Variants in PTPRT observed in about 807,000 individuals in gnomAD.
PTPRT encodes protein tyrosine phosphatase receptor type T.
In PTPRT, 56 loss-of-function variants were observed where a neutral mutation model predicts 176.8. The ratio of observed to expected loss-of-function variants is 0.32; its 90% CI spans 0.26 to 0.40. The LOEUF (loss-of-function observed/expected upper bound fraction) is 0.40, where lower values mean the gene tolerates loss of function less well. Ranked by LOEUF, PTPRT falls within the 10% of genes least tolerant of loss-of-function variation. PTPRT has a pLI of 1.00. For missense variants in PTPRT, 1,540 were observed against 1,908.2 expected, an observed-to-expected ratio of 0.81 and a Z score of 3.60; for synonymous variants, 783 against 739.0, an observed-to-expected ratio of 1.06 and a Z score of -0.96.
In PTPRT at chr20:42,771,173, C is replaced by T. The variant is rs2077056539; in HGVS notation, c.684+262G>A. Among the ~76,000 whole-genome samples, 2 of 152,164 alleles carry T rather than the reference C, an allele frequency of 1.3e-5. 1 individual carries two copies. The highest frequency in any genetic ancestry group is 1.3e-4 in the Admixed American group (2 of 15,264). ...CACATCCCGCCAGACAAGTCCCAGG[C>T]CTAACCATCTGACCCCAGGAAACTC... On this transcript the variant is annotated intron_variant, in intron 5 of 30. Transcript: ENST00000373187.
At chr20:42,348,370 T>TTTTTTTTATTTATTTA (rs1555830099) in intron 11 of PTPRT, among the ~76,000 whole-genome samples, 1 of 146,526 alleles carries the variant, frequency 6.8e-6, no homozygotes, top group Non-Finnish European at 1.5e-5. Flanking sequence ...GTGACATTTC[T>TTTTTTTTATTTATTTA]TTTATTTATT....
chr20:42,827,069 T>C (rs777021428), intron 2 of PTPRT, among the ~76,000 whole-genome samples: 2 of 152,172 alleles, frequency 1.3e-5, no homozygotes, highest in Non-Finnish European at 2.9e-5. Context: ...ACTAAGTTCT[T>C]AGAGACCTAC....
At chr20:42,545,046 G>A (rs559040313) in intron 7 of PTPRT, among the ~76,000 whole-genome samples, 2 of 152,224 alleles carry the variant, frequency 1.3e-5, no homozygotes, top group African/African-American at 4.8e-5. Flanking sequence ...AGGAACATAC[G>A]GCCAGACACC....
intron 1 of PTPRT, among the ~76,000 whole-genome samples, chr20:43,049,989 G>A (rs1283312549): frequency 1.3e-5 from 2 of 152,212 alleles, no homozygotes; most frequent in African/African-American, 4.8e-5. Flanking sequence ...CATTTTACAT[G>A]GATTATTTCA....
At chr20:42,755,830 T>C (rs1169524967) in intron 6 of PTPRT, among the ~76,000 whole-genome samples, 1 of 152,178 alleles carries the variant, frequency 6.6e-6, no homozygotes, top group Non-Finnish European at 1.5e-5. Context: ...GATAACTCAT[T>C]GGATGAGATA....
At chr20:43,076,013 T>G (rs2011265015) in intron 1 of PTPRT, among the ~76,000 whole-genome samples, 1 of 152,192 alleles carries the variant, frequency 6.6e-6, no homozygotes, top group East Asian at 1.9e-4. Flanking sequence ...TTTATCAAAT[T>G]TTTCTAAACA....
chr20:42,844,793 T>C (rs2078340204), intron 2 of PTPRT, among the ~76,000 whole-genome samples: 1 of 152,178 alleles, frequency 6.6e-6, no homozygotes, highest in African/African-American at 2.4e-5. Context: ...CGAGCCCCTG[T>C]TTTGGGTCAG....
At chr20:42,481,474 C>T (rs371260469) in intron 7 of PTPRT, among the ~76,000 whole-genome samples, 3 of 152,246 alleles carry the variant, frequency 2.0e-5, no homozygotes, top group Admixed American at 6.5e-5. Context: ...TTACTTCTAA[C>T]ATTTATTATG....
intron 1 of PTPRT, among the ~76,000 whole-genome samples, chr20:42,978,664 A>G (rs898531258): frequency 3.9e-5 from 6 of 152,178 alleles, no homozygotes; most frequent in Non-Finnish European, 8.8e-5. Context: ...GGTCATAAAG[A>G]CCATCCTGAT....
intron 9 of PTPRT, among the ~76,000 whole-genome samples, chr20:42,404,825 T>C (rs1281158311): frequency 2.6e-5 from 4 of 151,522 alleles, no homozygotes; most frequent in Non-Finnish European, 2.9e-5. Context: ...GTAACAGTCA[T>C]AAACAACACA....
At chr20:42,736,205 C>A (rs531588469) in intron 6 of PTPRT, among the ~76,000 whole-genome samples, 1 of 152,112 alleles carries the variant, frequency 6.6e-6, no homozygotes, top group Non-Finnish European at 1.5e-5. Flanking sequence ...TAAGACTTCC[C>A]TGCAGGGAAA....
chr20:42,603,723 T>C (rs898155324), intron 7 of PTPRT, among the ~76,000 whole-genome samples: 13 of 152,144 alleles, frequency 8.5e-5, no homozygotes, highest in African/African-American at 2.9e-4. Context: ...AACCTGGAGA[T>C]TGTGATAAAT....
chr20:42,160,750 T>C (rs910391623), intron 17 of PTPRT, among the ~76,000 whole-genome samples: 1 of 152,128 alleles, frequency 6.6e-6, no homozygotes, highest in East Asian at 1.9e-4. Flanking sequence ...TGCAAATCCT[T>C]TGTGTTAGGG....
chr20:42,532,534 T>C (rs2072402533), intron 7 of PTPRT, among the ~76,000 whole-genome samples: 1 of 152,200 alleles, frequency 6.6e-6, no homozygotes, highest in Admixed American at 6.5e-5. Flanking sequence ...CCCAAGTAGC[T>C]GGGGCCACAG....
intron 1 of PTPRT, among the ~76,000 whole-genome samples, chr20:42,987,101 C>T (rs539161690): frequency 1.2e-3 from 188 of 152,254 alleles, no homozygotes; most frequent in South Asian, 1.0e-3. Context: ...TCCACCTAGA[C>T]CCCCACATCC....
At chr20:43,141,908 T>C (rs1158662398) in intron 1 of PTPRT, among the ~76,000 whole-genome samples, 1 of 152,146 alleles carries the variant, frequency 6.6e-6, no homozygotes, top group Non-Finnish European at 1.5e-5. Flanking sequence ...CAAGTTAGCA[T>C]TCAGGCACCC....
At chr20:42,784,089 G>C (rs947594925) in intron 3 of PTPRT, among the ~76,000 whole-genome samples, 1 of 152,192 alleles carries the variant, frequency 6.6e-6, no homozygotes, top group Non-Finnish European at 1.5e-5. Context: ...CCTGGTGCGG[G>C]TGTTGAAGAG....
intron 7 of PTPRT, among the ~76,000 whole-genome samples, chr20:42,624,382 C>A (rs1022375661): frequency 2.0e-5 from 3 of 152,116 alleles, no homozygotes; most frequent in Non-Finnish European, 4.4e-5. Context: ...GAGCCTTAAA[C>A]GGCAGAGAAT....
intron 6 of PTPRT, among the ~76,000 whole-genome samples, chr20:42,725,009 T>TTGTGTGTGTGTGTGTGTGTG (rs147376328): frequency 2.2e-4 from 30 of 134,040 alleles, no homozygotes; most frequent in African/African-American, 7.9e-4. Context: ...TGGACATCTT[T>TTGTGTGTGTGTGTGTGTGTG]TGTGTGTGTG....
Sources: allele counts gnomAD v4.1 joint callset (sites outside exome capture counted in the v4.1 genomes callset), GRCh38; gene constraint gnomAD v4.1.1; transcripts MANE v1.5; gene names NCBI Gene and HGNC (gene_info 2026-07-23, HGNC 2026-07-21).